The following OPHN1 variants were observed in gnomAD, a reference collection of about 807,000 sequenced individuals.
OPHN1 encodes oligophrenin 1.
A neutral mutation model predicts 60.7 loss-of-function variants in OPHN1; 11 were observed. The ratio of observed to expected loss-of-function variants is 0.18; its 90% CI spans 0.11 to 0.30. OPHN1 has a LOEUF of 0.30. OPHN1 is among the 10% of genes least tolerant of loss of function. OPHN1 has a pLI of 1.00. For missense variants in OPHN1, 449 were observed against 611.0 expected (o/e 0.73, Z 2.80); for synonymous variants, 226 against 222.6 (o/e 1.02, Z -0.14).
At chrX:68,229,263 G>GGACA (rs2147516604) in intron 6 of OPHN1, among the ~76,000 whole-genome samples, 1 of 111,368 alleles carries the variant, frequency 9.0e-6, no homozygotes, top group East Asian at 2.8e-4. Flanking sequence ...AAATAAAAGA[G>GGACA]GACACAAAGA....
At chrX:68,292,241 C>T (rs765740860) in intron 3 of OPHN1, among the ~76,000 whole-genome samples, 28 of 111,328 alleles carry the variant, frequency 2.5e-4, no homozygotes, top group Non-Finnish European at 4.7e-4. Flanking sequence ...TATATTCTAA[C>T]TATAAGCTTG....
At chrX:68,192,088 A>G (rs1018475461) in intron 15 of OPHN1, among the ~76,000 whole-genome samples, 1 of 111,916 alleles carries the variant, frequency 8.9e-6, no homozygotes, top group Non-Finnish European at 1.9e-5. Flanking sequence ...ATAGAAAAAC[A>G]TATTAAAAAA....
chrX:68,139,244 A>G (rs1364082090), intron 15 of OPHN1, among the ~76,000 whole-genome samples: 1 of 112,137 alleles, frequency 8.9e-6, no homozygotes. Flanking sequence ...TGTAAAAGAA[A>G]AGAAAATACA....
At chrX:68,268,330 A>G (rs913185537) in intron 5 of OPHN1, among the ~76,000 whole-genome samples, 16 of 112,064 alleles carry the variant, frequency 1.4e-4, no homozygotes, top group African/African-American at 4.9e-4. Context: ...ACGTAAATGC[A>G]AAAATCCTCA....
At chrX:68,118,233 T>C (rs2077135729) in intron 16 of OPHN1, among the ~76,000 whole-genome samples, 1 of 111,215 alleles carries the variant, frequency 9.0e-6, no homozygotes, top group African/African-American at 3.3e-5. Flanking sequence ...TTTCCTCATC[T>C]GCAAAACGAG....
rs747106723 is a variant in OPHN1 at position 68,322,902 on chromosome X, GA to G, written c.155-23807del. Among the ~76,000 whole-genome samples, 568 of 109,281 alleles carry G rather than the reference GA, an allele frequency of 5.2e-3. 5 individuals carry two copies. The highest frequency in any genetic ancestry group is 0.018 in the African/African-American group (538 of 30,149). The allele number at this position is 109,281 out of a possible 115,157, so 94.9% of individuals were successfully genotyped here. A position where few individuals can be genotyped will look rare whatever the true frequency, so the allele number is the denominator to read the frequency against. On this transcript the variant is annotated intron_variant, in intron 2 of 24. Coordinates refer to ENST00000355520, the MANE Select transcript of OPHN1 (RefSeq NM_002547.3). ...ACCAGAAAATTATGCTGAGAAAAAA[GA>G]AAAAAAAATCTTAAAAGGTCACATA...
At chrX:68,365,290 G>GA (rs1324351591) in intron 2 of OPHN1, among the ~76,000 whole-genome samples, 41 of 102,749 alleles carry the variant, frequency 4.0e-4, no homozygotes, top group Middle Eastern at 5.0e-3. Context: ...GTACAAAAAG[G>GA]AAAAAAAAAA....
At chrX:68,242,288 C>T (rs1393913270) in intron 5 of OPHN1, among the ~76,000 whole-genome samples, 1 of 107,107 alleles carries the variant, frequency 9.3e-6, no homozygotes, top group Admixed American at 1.0e-4. Context: ...GAAGCTGAGG[C>T]GGGAGGATCT....
At chrX:68,167,398 G>A (rs1231403709) in intron 15 of OPHN1, among the ~76,000 whole-genome samples, 1 of 110,974 alleles carries the variant, frequency 9.0e-6, no homozygotes, top group Non-Finnish European at 1.9e-5. Flanking sequence ...ACTCTTGGTA[G>A]GAATGTAAAT....
At chrX:68,214,321 A>C (rs2077598491) in intron 6 of OPHN1, among the ~76,000 whole-genome samples, 1 of 112,519 alleles carries the variant, frequency 8.9e-6, no homozygotes, top group African/African-American at 3.2e-5. Flanking sequence ...GAATACAGAG[A>C]ATAAGAAATT....
intron 15 of OPHN1, among the ~76,000 whole-genome samples, chrX:68,167,533 A>G (rs1298931368): frequency 5.4e-5 from 6 of 110,221 alleles, no homozygotes; most frequent in East Asian, 2.8e-4. Context: ...GTGTGTGTGT[A>G]TATGTGTGTA....
intron 6 of OPHN1, among the ~76,000 whole-genome samples, chrX:68,230,159 A>G: frequency 8.9e-6 from 1 of 112,364 alleles, no homozygotes; most frequent in East Asian, 2.8e-4. Flanking sequence ...AGACACAGGA[A>G]AAAATGCTCA....
intron 2 of OPHN1, among the ~76,000 whole-genome samples, chrX:68,338,386 A>G (rs940761383): frequency 3.6e-5 from 4 of 112,375 alleles, no homozygotes; most frequent in African/African-American, 1.3e-4. Flanking sequence ...AACTGAAATC[A>G]TAAGAAGTAT....
intron 2 of OPHN1, among the ~76,000 whole-genome samples, chrX:68,334,899 C>T (rs1433786452): frequency 9.1e-6 from 1 of 109,640 alleles, no homozygotes; most frequent in African/African-American, 3.3e-5. Context: ...TTATCTGAGC[C>T]CAGGATGCAG....
chrX:68,102,817 C>G (rs1229840728), intron 18 of OPHN1, among the ~76,000 whole-genome samples: 1 of 111,523 alleles, frequency 9.0e-6, no homozygotes, highest in African/African-American at 3.3e-5. Flanking sequence ...CCTCCCAAGA[C>G]TAAACCAGGA....
At chrX:68,372,595 G>A (rs770348072) in intron 2 of OPHN1, among the ~76,000 whole-genome samples, 2 of 110,917 alleles carry the variant, frequency 1.8e-5, no homozygotes, top group South Asian at 3.9e-4. Context: ...TCTAAACTAC[G>A]AAGGGCTGAA....
chrX:68,340,540 C>T (rs1423573574), intron 2 of OPHN1, among the ~76,000 whole-genome samples: 1 of 111,924 alleles, frequency 8.9e-6, no homozygotes, highest in African/African-American at 3.2e-5. Flanking sequence ...CCTCATACTA[C>T]ACAAAAGTTA....
chrX:68,291,252 A>G (rs1310711688), intron 3 of OPHN1, among the ~76,000 whole-genome samples: 1 of 111,991 alleles, frequency 8.9e-6, no homozygotes. Flanking sequence ...AGAGACCTTA[A>G]TGAGGGAGAA....
chrX:68,217,106 C>T (rs1261895336), intron 6 of OPHN1, among the ~76,000 whole-genome samples: 2 of 111,951 alleles, frequency 1.8e-5, no homozygotes, highest in Non-Finnish European at 3.8e-5. Context: ...CGAGACATTG[C>T]CTCACTTGGG....
Sources: gnomAD v4.1 joint callset for allele counts (sites outside exome capture counted in the v4.1 genomes callset) on GRCh38, gnomAD v4.1.1 for gene constraint, MANE v1.5 for transcripts, NCBI Gene and HGNC (gene_info 2026-07-23, HGNC 2026-07-21) for gene names.